The following PRKN variants were observed in gnomAD, a reference collection of about 807,000 sequenced individuals.
PRKN encodes the protein parkin RBR E3 ubiquitin protein ligase, also known as E3 ubiquitin-protein ligase parkin.
PRKN carries 56 observed loss-of-function variants against 59.5 expected under a neutral mutation model. The observed-to-expected ratio is 0.94, with a 90% CI of 0.76 to 1.18. The LOEUF (loss-of-function observed/expected upper bound fraction) is 1.18. PRKN is among the 50% of genes most tolerant of loss of function. The pLI, the probability that PRKN is intolerant of heterozygous loss-of-function variation, is 0.00. For synonymous variants in PRKN, 250 were observed against 222.1 expected (o/e 1.13, Z -1.12); for missense variants, 657 against 596.4 (o/e 1.10, Z -1.06).
chr6:161,509,263 C>G (rs1278980771), intron 9 of PRKN, among the ~76,000 whole-genome samples: 1 of 151,828 alleles, frequency 6.6e-6, no homozygotes, highest in Non-Finnish European at 1.5e-5. Context: ...TCTTGGGCAA[C>G]ACTACCTTCC....
intron 1 of PRKN, among the ~76,000 whole-genome samples, chr6:162,628,671 T>A (rs1232500720): frequency 1.3e-5 from 2 of 151,998 alleles, no homozygotes; most frequent in Non-Finnish European, 2.9e-5. Flanking sequence ...AGAAAAAAAA[T>A]ATTCAGAGTG....
chr6:162,162,511 C>T (rs1339076734), intron 4 of PRKN, among the ~76,000 whole-genome samples: 1 of 151,970 alleles, frequency 6.6e-6, no homozygotes, highest in Non-Finnish European at 1.5e-5. Context: ...AACCTATCTC[C>T]CATTGACAAG....
At chr6:162,614,027 A>G (rs1489340980) in intron 1 of PRKN, among the ~76,000 whole-genome samples, 1 of 152,186 alleles carries the variant, frequency 6.6e-6, no homozygotes, top group Non-Finnish European at 1.5e-5. Flanking sequence ...AGTGGAATAA[A>G]TGACAATTAT....
At position 161,858,858 on chromosome 6, in the gene PRKN, C is replaced by CTTT. The variant is rs71544920; in HGVS notation, c.735-72953_735-72951dup. Among the ~76,000 whole-genome samples the CTTT allele has an allele frequency of 7.1e-4, 51 of 71,948 alleles. 3 individuals are homozygous for CTTT. The highest frequency in any genetic ancestry group is 2.4e-3 in the African/African-American group (48 of 19,864). 47.2% of individuals were successfully genotyped at this position (71,948 alleles called of 152,430 possible). A position where few individuals can be genotyped will look rare whatever the true frequency, so the allele number is the denominator to read the frequency against. On this transcript the variant is annotated intron_variant, in intron 6 of 11. Coordinates refer to ENST00000366898, the MANE Select transcript of PRKN (RefSeq NM_004562.3). ...CTTTCAATTAACTAGCACAGCTGTA[C>CTTT]TTTTTTTTTTTTTTTTTTTTGAGAC...
intron 6 of PRKN, among the ~76,000 whole-genome samples, chr6:161,958,441 A>G (rs1780263470): frequency 6.6e-6 from 1 of 152,212 alleles, no homozygotes; most frequent in African/African-American, 2.4e-5. Context: ...AATCATTTAT[A>G]TCAGATATAA....
chr6:162,431,118 G>C (rs1433595596), intron 2 of PRKN, among the ~76,000 whole-genome samples: 2 of 151,764 alleles, frequency 1.3e-5, no homozygotes, highest in African/African-American at 4.8e-5. Context: ...GACAATCAGA[G>C]CTTTGTATTT....
intron 1 of PRKN, among the ~76,000 whole-genome samples, chr6:162,687,374 C>T (rs1226349131): frequency 4.0e-5 from 6 of 151,762 alleles, no homozygotes; most frequent in East Asian, 3.9e-4. Context: ...TTAGTGGAGA[C>T]GGGGTTTCAC....
At chr6:162,006,723 G>A (rs987707130) in intron 5 of PRKN, among the ~76,000 whole-genome samples, 3 of 152,132 alleles carry the variant, frequency 2.0e-5, no homozygotes, top group Admixed American at 2.0e-4. Flanking sequence ...GCCATTTGGG[G>A]CTGAGTTCAG....
chr6:162,125,704 G>A (rs1205530626), intron 4 of PRKN, among the ~76,000 whole-genome samples: 1 of 152,096 alleles, frequency 6.6e-6, no homozygotes, highest in Non-Finnish European at 1.5e-5. Context: ...GTCATAAAAG[G>A]GTCAATTATT....
intron 10 of PRKN, among the ~76,000 whole-genome samples, chr6:161,364,630 C>T (rs963778038): frequency 6.6e-5 from 10 of 151,530 alleles, no homozygotes; most frequent in Non-Finnish European, 1.5e-4. Flanking sequence ...GTAAACGATG[C>T]TTAATTTGCT....
At chr6:161,599,406 C>A (rs1782029963) in intron 7 of PRKN, among the ~76,000 whole-genome samples, 1 of 152,158 alleles carries the variant, frequency 6.6e-6, no homozygotes, top group Non-Finnish European at 1.5e-5. Flanking sequence ...TCTGAGAAGA[C>A]CATTCTTTTA....
At chr6:162,568,050 A>C (rs1033456704) in intron 1 of PRKN, among the ~76,000 whole-genome samples, 2 of 152,198 alleles carry the variant, frequency 1.3e-5, no homozygotes, top group Non-Finnish European at 2.9e-5. Flanking sequence ...CTGAGAAGAC[A>C]GGATATCAAT....
intron 9 of PRKN, among the ~76,000 whole-genome samples, chr6:161,455,541 A>G (rs1407975036): frequency 3.9e-5 from 6 of 152,120 alleles, no homozygotes; most frequent in Admixed American, 3.9e-4. Context: ...AGGAAATCAC[A>G]TCCGGTCCCT....
chr6:162,688,366 G>C (rs896656008), intron 1 of PRKN, among the ~76,000 whole-genome samples: 1 of 152,120 alleles, frequency 6.6e-6, no homozygotes, highest in African/African-American at 2.4e-5. Context: ...TAGATGGTGA[G>C]AACATGGGTG....
intron 1 of PRKN, among the ~76,000 whole-genome samples, chr6:162,499,750 C>T (rs1018278837): frequency 2.0e-5 from 3 of 152,208 alleles, no homozygotes; most frequent in Non-Finnish European, 1.5e-5. Context: ...TGTCTCTAGC[C>T]GAGAGGAACA....
At chr6:161,708,150 A>G (rs970856533) in intron 7 of PRKN, among the ~76,000 whole-genome samples, 2 of 152,110 alleles carry the variant, frequency 1.3e-5, no homozygotes, top group African/African-American at 4.8e-5. Flanking sequence ...GAATTAGTGA[A>G]TACTAAGTTT....
At chr6:162,462,015 T>C (rs1791202169) in intron 1 of PRKN, among the ~76,000 whole-genome samples, 1 of 152,166 alleles carries the variant, frequency 6.6e-6, no homozygotes, top group South Asian at 2.1e-4. Flanking sequence ...CAACAGTGTA[T>C]TTTCATTAGC....
At position 162,472,637 on chromosome 6, in the gene PRKN, G is replaced by A. The variant is rs1439154825; in HGVS notation, c.8-29164C>T. Among the ~76,000 whole-genome samples, 12 of 126,316 alleles carry A rather than the reference G, an allele frequency of 9.5e-5. 2 individuals are homozygous for A. Among genetic ancestry groups the A allele is most frequent in the African/African-American group, 1.7e-4 (6 of 35,240 alleles). The allele number at this position is 126,316 out of a possible 152,430, so 82.9% of individuals were successfully genotyped here. A position where few individuals can be genotyped will look rare whatever the true frequency, so the allele number is the denominator to read the frequency against. The stretch of plus-strand genomic sequence containing the variant: ...CGAGTAGCTGGGACTACAGGCGCCC[G>A]CCACCACGCCCGGCTAATTTTTTTT... On this transcript the variant is annotated intron_variant, in intron 1 of 11. Coordinates refer to ENST00000366898, the MANE Select transcript of PRKN (RefSeq NM_004562.3).
intron 5 of PRKN, among the ~76,000 whole-genome samples, chr6:162,009,398 C>T (rs1283507340): frequency 6.6e-6 from 1 of 151,740 alleles, no homozygotes; most frequent in African/African-American, 2.4e-5. Flanking sequence ...TATCAAACTG[C>T]ATAAGCTAAT....
Sources: allele counts gnomAD v4.1 joint callset (sites outside exome capture counted in the v4.1 genomes callset), GRCh38; gene constraint gnomAD v4.1.1; transcripts MANE v1.5; gene names NCBI Gene and HGNC (gene_info 2026-07-23, HGNC 2026-07-21).